CNNM2: variants seen among roughly 807,000 people sequenced by gnomAD.
CNNM2 encodes cyclin and CBS domain divalent metal cation transport mediator 2, also known as metal transporter CNNM2.
CNNM2 carries 12 observed loss-of-function variants against 66.9 expected under a neutral mutation model. That is an observed-to-expected ratio of 0.18 (90% CI 0.11 to 0.29). CNNM2 has a LOEUF of 0.29. Ranked by LOEUF, CNNM2 falls within the 10% of genes least tolerant of loss-of-function variation. The pLI is 1.00. For missense variants in CNNM2, 705 were observed against 1,167.7 expected (o/e 0.60, Z 5.77); for synonymous variants, 557 against 501.8 (o/e 1.11, Z -1.47).
Position 103,084,174 on chromosome 10 carries a change from A to G in CNNM2, c.*6994A>G, listed in dbSNP as rs1486720866. 6.6e-6 allele frequency: 1 copy of G among 152,026 alleles called. No individual in the cohort carries two copies. The highest frequency in any genetic ancestry group is 2.4e-5 in the African/African-American group (1 of 41,352). The allele number at this position is 152,026 out of a possible 1,614,324, so 9.4% of individuals were successfully genotyped here. A position where few individuals can be genotyped will look rare whatever the true frequency, so the allele number is the denominator to read the frequency against. On this transcript the variant is annotated 3_prime_UTR_variant, in exon 8 of 8. Transcript: ENST00000369878. ...CCTTTTCTCTCCACTTTTAGTCTCT[A>G]TTTTACATTCCAAAGAGGATCGTGC...
chr10:103,026,600 TCAAAAAAAAAAAAAAAA>T (rs2064709046), intron 1 of CNNM2, among the ~76,000 whole-genome samples: 1 of 54,790 alleles, frequency 1.8e-5, no homozygotes, highest in South Asian at 7.0e-4. Flanking sequence ...GACCTTGTCT[TCAAAAAAAAAAAAAAAA>T]AAAAAAAAGG....
chr10:103,089,772 C>CTAATTGACCG lies in CNNM2; in HGVS notation c.*12594_*12603dup, dbSNP rs1308335620. The CTAATTGACCG allele has an allele frequency of 6.2e-7, 1 of 1,614,012 alleles. No homozygotes were observed. The highest frequency in any genetic ancestry group is 8.5e-7 in the Non-Finnish European group (1 of 1,179,996). On this transcript the variant is annotated 3_prime_UTR_variant, in exon 8 of 8. Transcript: ENST00000369878. ...GAAGAGGTTGGGAGGTTTAATCTCA[C>CTAATTGACCG]TAATTGACCGTGTCAGCTGGTGCCG...
chr10:102,943,453 CA>C lies in CNNM2; in HGVS notation c.1621+23361del, dbSNP rs891832246. ...AAAACCCCATCTCTAAAACAAAAAA[CA>C]AAAAAAAATTACATACAAAACTGGT... On this transcript the variant is annotated intron_variant, in intron 1 of 7. Transcript: ENST00000369878. 3.3e-5 allele frequency among the ~76,000 whole-genome samples: 5 copies of C among 150,184 alleles called. No individual in the cohort carries two copies. In the East Asian group the frequency reaches 7.8e-4, roughly 23 times the overall value.
chr10:103,001,174 G>T (rs1042543070), intron 1 of CNNM2, among the ~76,000 whole-genome samples: 3 of 152,134 alleles, frequency 2.0e-5, no homozygotes, highest in African/African-American at 4.8e-5. Context: ...GGTTGTCAGG[G>T]GCTGTGGAGA....
intron 1 of CNNM2, among the ~76,000 whole-genome samples, chr10:102,994,301 T>C (rs1399959159): frequency 6.6e-6 from 1 of 152,212 alleles, no homozygotes; most frequent in Non-Finnish European, 1.5e-5. Flanking sequence ...TAATTTATTC[T>C]AGTTAGTTTA....
At chr10:102,972,174 AGT>A (rs1458656082) in intron 1 of CNNM2, among the ~76,000 whole-genome samples, 6 of 152,252 alleles carry the variant, frequency 3.9e-5, no homozygotes, top group Middle Eastern at 3.4e-3. Context: ...TAATATTCTA[AGT>A]GTAACTATCT....
At position 103,071,772 on chromosome 10, in the gene CNNM2, A is replaced by T; in HGVS notation, c.2168-2A>T. On this transcript the variant is annotated splice_acceptor_variant, in intron 5 of 7. Transcript: ENST00000369878. LOFTEE classifies it high-confidence loss of function. ...CTCACCCTGTTTTTCTCCATTTTTC[A>T]GTTCCTTTGTCCCTGTCTCGTACCT... The T allele has an allele frequency of 6.2e-7, 1 of 1,613,524 alleles. No individual in the cohort carries two copies. Among genetic ancestry groups the T allele is most frequent in the Non-Finnish European group, 8.5e-7 (1 of 1,179,600 alleles).
At chr10:102,982,467 G>A (rs1460671232) in intron 1 of CNNM2, among the ~76,000 whole-genome samples, 3 of 152,194 alleles carry the variant, frequency 2.0e-5, no homozygotes, top group Non-Finnish European at 4.4e-5. Context: ...TATTTGAAGT[G>A]TGTTCCTTCT....
intron 1 of CNNM2, among the ~76,000 whole-genome samples, chr10:103,016,162 C>T (rs2064444316): frequency 6.6e-6 from 1 of 151,974 alleles, no homozygotes; most frequent in Non-Finnish European, 1.5e-5. Context: ...CTAGAATCAG[C>T]TATTCTCCAT....
rs1278463045 is a variant in CNNM2, at chr10:103,081,446, G to T, written c.*4266G>T. The T allele has an allele frequency of 6.6e-6, 1 of 152,164 alleles. No individual in the cohort carries two copies. Among genetic ancestry groups the T allele is most frequent in the African/African-American group, 2.4e-5 (1 of 41,408 alleles). 9.4% of individuals were successfully genotyped at this position (152,164 alleles called of 1,614,324 possible). ...AGTAGGGATATAGGGGTTTGAATAG[G>T]AAAGTGATCTGGGGATTCAGAAATT... is the stretch of plus-strand genomic sequence containing the variant. On this transcript the variant is annotated 3_prime_UTR_variant, in exon 8 of 8. Transcript: ENST00000369878.
chr10:103,025,621 A>G (rs1374651514), intron 1 of CNNM2, among the ~76,000 whole-genome samples: 1 of 152,248 alleles, frequency 6.6e-6, no homozygotes, highest in Non-Finnish European at 1.5e-5. Flanking sequence ...GGGCTTACTG[A>G]TTCGTGTTTC....
intron 1 of CNNM2, among the ~76,000 whole-genome samples, chr10:102,961,677 C>G (rs924132207): frequency 2.0e-5 from 3 of 151,932 alleles, no homozygotes; most frequent in African/African-American, 7.3e-5. Flanking sequence ...ATCACTCTTT[C>G]TTTGCAGTAG....
chr10:103,035,776 G>A (rs1231635807), intron 1 of CNNM2, among the ~76,000 whole-genome samples: 1 of 152,218 alleles, frequency 6.6e-6, no homozygotes, highest in Non-Finnish European at 1.5e-5. Flanking sequence ...TCCTAACTTA[G>A]GGGAGAGGGC....
At chr10:103,056,201 T>G (rs1217507100) in intron 3 of CNNM2, among the ~76,000 whole-genome samples, 2 of 152,196 alleles carry the variant, frequency 1.3e-5, no homozygotes, top group Non-Finnish European at 2.9e-5. Flanking sequence ...GTCAGTAATT[T>G]TTGTTTTTGT....
intron 1 of CNNM2, among the ~76,000 whole-genome samples, chr10:102,977,249 G>T (rs1301168403): frequency 6.6e-6 from 1 of 151,996 alleles, no homozygotes; most frequent in Non-Finnish European, 1.5e-5. Context: ...AAGCATTTTG[G>T]ATTTTTTTTT....
intron 1 of CNNM2, among the ~76,000 whole-genome samples, chr10:103,014,751 G>T (rs954953833): frequency 6.6e-6 from 1 of 151,996 alleles, no homozygotes; most frequent in African/African-American, 2.4e-5. Flanking sequence ...TACAGGCTGG[G>T]TGCAGTGGCT....
intron 1 of CNNM2, among the ~76,000 whole-genome samples, chr10:103,009,097 A>AG (rs1334366573): frequency 6.6e-6 from 1 of 151,960 alleles, no homozygotes; most frequent in Non-Finnish European, 1.5e-5. Flanking sequence ...ACCAACATGG[A>AG]GAAACCCTGT....
In CNNM2 at chr10:102,985,379, C is replaced by T. The variant is rs117770134; in HGVS notation, c.1622-64328C>T. The stretch of plus-strand genomic sequence containing the variant: ...AAATTTTAAAATTCTGCTGTGAGTC[C>T]GGCAAAGGGGCTGAGAGAATTTCTG... On this transcript the variant is annotated intron_variant, in intron 1 of 7. Coordinates refer to ENST00000369878, the MANE Select transcript of CNNM2 (RefSeq NM_017649.5). 2.4e-3 allele frequency among the ~76,000 whole-genome samples: 362 copies of T among 152,076 alleles called. 8 individuals carry two copies. In the East Asian group the frequency reaches 0.051, roughly 21 times the overall value.
At chr10:102,982,584 G>A (rs1265780355) in intron 1 of CNNM2, among the ~76,000 whole-genome samples, 1 of 152,194 alleles carries the variant, frequency 6.6e-6, no homozygotes, top group African/African-American at 2.4e-5. Flanking sequence ...GCATTCCCCT[G>A]TGTAATCAAG....
Sources: allele counts gnomAD v4.1 joint callset (sites outside exome capture counted in the v4.1 genomes callset), GRCh38; gene constraint gnomAD v4.1.1; transcripts MANE v1.5; gene names NCBI Gene and HGNC (gene_info 2026-07-23, HGNC 2026-07-21).